The following RNLS variants were observed in gnomAD, a reference collection of about 807,000 sequenced individuals.
The protein encoded by RNLS is renalase, FAD dependent amine oxidase.
RNLS carries 39 observed loss-of-function variants against 39.8 expected under a neutral mutation model. That is an observed-to-expected ratio of 0.98 (90% CI 0.76 to 1.28). The LOEUF (loss-of-function observed/expected upper bound fraction) is 1.28, where lower values mean the gene tolerates loss of function less well. Ranked by LOEUF, RNLS falls within the 50% of genes most tolerant of loss-of-function variation. The pLI is 0.00. For synonymous variants in RNLS, 147 were observed against 150.7 expected (o/e 0.98, Z 0.18); for missense variants, 410 against 413.3 (o/e 0.99, Z 0.07).
At chr10:88,257,871 GGAA>G in the RNLS span, among the ~76,000 whole-genome samples, 1 of 152,136 alleles carries the variant, frequency 6.6e-6, no homozygotes, top group African/African-American at 2.4e-5. Context: ...GGGTGGAATT[GGAA>G]GAAGAAAGGG....
intron 4 of RNLS, among the ~76,000 whole-genome samples, chr10:88,535,024 A>G (rs1316671656): frequency 6.6e-6 from 1 of 152,184 alleles, no homozygotes; most frequent in African/African-American, 2.4e-5. Context: ...AGTGTCAGTT[A>G]TATTGTTCAT....
chr10:88,405,979 T>C (rs1342077035), intron 4 of RNLS, among the ~76,000 whole-genome samples: 1 of 152,092 alleles, frequency 6.6e-6, no homozygotes, highest in Non-Finnish European at 1.5e-5. Context: ...CCTTCATATA[T>C]GATGCTTAGT....
intron 4 of RNLS, among the ~76,000 whole-genome samples, chr10:88,468,025 GCTTAA>G (rs1843311423): frequency 7.2e-5 from 11 of 152,156 alleles, no homozygotes; most frequent in Non-Finnish European, 1.2e-4. Flanking sequence ...AATATGATCT[GCTTAA>G]CATTCCTTGA....
At chr10:88,248,832 C>T in the RNLS span, among the ~76,000 whole-genome samples, 422 of 152,270 alleles carry the variant, frequency 2.8e-3, no homozygotes, top group Non-Finnish European at 4.7e-3. Flanking sequence ...TTTTCTTGTC[C>T]GTACAGTGGG....
chr10:88,200,356 CT>C, the RNLS span, among the ~76,000 whole-genome samples: 1 of 152,176 alleles, frequency 6.6e-6, no homozygotes, highest in African/African-American at 2.4e-5. Context: ...TCCTTTAACC[CT>C]TTAACCAGCA....
At chr10:88,174,118 GAATTT>G in the RNLS span, among the ~76,000 whole-genome samples, 1 of 151,898 alleles carries the variant, frequency 6.6e-6, no homozygotes, top group Non-Finnish European at 1.5e-5. Flanking sequence ...CAACTTTACT[GAATTT>G]GTTAGTTTTA....
intron 4 of RNLS, among the ~76,000 whole-genome samples, chr10:88,432,796 A>T (rs547647272): frequency 5.2e-4 from 79 of 152,170 alleles, no homozygotes; most frequent in African/African-American, 1.9e-3. Flanking sequence ...AAACCTCAAG[A>T]TGAAATGAAT....
At chr10:88,218,584 T>TG in the RNLS span, among the ~76,000 whole-genome samples, 1 of 152,196 alleles carries the variant, frequency 6.6e-6, no homozygotes, top group South Asian at 2.1e-4. Flanking sequence ...AAAGGGCCAA[T>TG]GGACACCCAC....
rs1438512859 is a variant in RNLS, at chr10:88,510,876, C to A, written c.526+62027G>T. ...AAAAAAAAAAAGTTTACATAATAAA[C>A]CTTTATGTTCTTTATTTTATAATAT... On this transcript the variant is annotated intron_variant, in intron 4 of 6. Transcript: ENST00000331772. Among the ~76,000 whole-genome samples the A allele has an allele frequency of 8.0e-5, 12 of 149,756 alleles. No individual in the cohort carries two copies. The South Asian group carries it at 1.7e-3, about 21-fold the overall frequency.
intron 4 of RNLS, among the ~76,000 whole-genome samples, chr10:88,429,549 T>C (rs574130051): frequency 5.3e-5 from 8 of 152,048 alleles, no homozygotes; most frequent in African/African-American, 1.9e-4. Flanking sequence ...TGTTCTTTTA[T>C]GGATCATATT....
intron 5 of RNLS, among the ~76,000 whole-genome samples, chr10:88,347,251 C>T (rs1848371083): frequency 6.6e-6 from 1 of 152,114 alleles, no homozygotes; most frequent in Non-Finnish European, 1.5e-5. Flanking sequence ...GAGCCCTGGG[C>T]TTACGACCCA....
chr10:88,400,400 T>A (rs1486699578), intron 4 of RNLS, among the ~76,000 whole-genome samples: 2 of 152,000 alleles, frequency 1.3e-5, no homozygotes, highest in Non-Finnish European at 2.9e-5. Flanking sequence ...TCTTTTGTCA[T>A]ACATCCATGC....
intron 4 of RNLS, among the ~76,000 whole-genome samples, chr10:88,417,303 A>T (rs1564783550): frequency 6.6e-6 from 1 of 152,188 alleles, no homozygotes; most frequent in Non-Finnish European, 1.5e-5. Context: ...TATTTCACAA[A>T]TTTTTTAAAT....
chr10:88,301,905 C>T (rs563207459), intron 6 of RNLS, among the ~76,000 whole-genome samples: 162 of 152,228 alleles, frequency 1.1e-3, no homozygotes, highest in African/African-American at 3.4e-3. Flanking sequence ...GAGAGGTAAT[C>T]AAGAAAAGAG....
At chr10:88,430,165 T>G (rs771962434) in intron 4 of RNLS, among the ~76,000 whole-genome samples, 1 of 151,914 alleles carries the variant, frequency 6.6e-6, no homozygotes, top group Non-Finnish European at 1.5e-5. Context: ...TTAGGTCTTC[T>G]GTATGTCTTT....
chr10:88,380,234 T>A (rs1851340246), intron 4 of RNLS, among the ~76,000 whole-genome samples: 1 of 152,216 alleles, frequency 6.6e-6, no homozygotes, highest in Non-Finnish European at 1.5e-5. Flanking sequence ...TCATATTTTC[T>A]GCATATTAAT....
intron 3 of RNLS, among the ~76,000 whole-genome samples, chr10:88,577,611 T>C (rs1487066772): frequency 6.6e-6 from 1 of 152,160 alleles, no homozygotes; most frequent in East Asian, 1.9e-4. Flanking sequence ...TTTGCTATTG[T>C]CAATTCTCAC....
chr10:88,581,294 G>GTGTGTATATATATA (rs1376395535), intron 3 of RNLS, among the ~76,000 whole-genome samples: 4 of 129,870 alleles, frequency 3.1e-5, no homozygotes, highest in African/African-American at 8.9e-5. Flanking sequence ...GTGTGTGTGT[G>GTGTGTATATATATA]TATATATATA....
intron 1 of RNLS, among the ~76,000 whole-genome samples, chr10:88,582,752 A>G (rs965371846): frequency 1.3e-5 from 2 of 152,254 alleles, no homozygotes; most frequent in East Asian, 1.9e-4. Flanking sequence ...GGACAGCAGT[A>G]GGCCCAAGCT....
Sources: allele counts gnomAD v4.1 joint callset (sites outside exome capture counted in the v4.1 genomes callset), GRCh38; gene constraint gnomAD v4.1.1; transcripts MANE v1.5; gene names NCBI Gene and HGNC (gene_info 2026-07-23, HGNC 2026-07-21).